The following DAB1 variants were observed in gnomAD, a reference collection of about 807,000 sequenced individuals.
The protein encoded by DAB1 is disabled homolog 1.
Under a neutral mutation model 64.6 loss-of-function variants are expected in DAB1, and 15 were observed. The ratio of observed to expected loss-of-function variants is 0.23; its 90% confidence interval spans 0.16 to 0.36. The LOEUF is 0.36. Among genes scored for constraint, DAB1 ranks in the 10% least tolerant of loss-of-function variants. The pLI is 1.00. For synonymous variants in DAB1, 235 were observed against 251.9 expected (o/e 0.93, Z 0.64); for missense variants, 596 against 706.7 (o/e 0.84, Z 1.78).
At chr1:58,238,837 A>C (rs1000901462) in intron 4 of DAB1, among the ~76,000 whole-genome samples, 1 of 152,204 alleles carries the variant, frequency 6.6e-6, no homozygotes, top group Non-Finnish European at 1.5e-5. Flanking sequence ...GCTTTCTTAT[A>C]CTTCTGCATG....
intron 3 of DAB1, among the ~76,000 whole-genome samples, chr1:58,446,019 A>G (rs2100279803): frequency 6.6e-6 from 1 of 152,286 alleles, no homozygotes; most frequent in South Asian, 2.1e-4. Context: ...TTTAGAACTG[A>G]AAGTCACCCA....
intron 6 of DAB1, among the ~76,000 whole-genome samples, chr1:57,800,677 G>A (rs573291687): frequency 2.0e-5 from 3 of 152,242 alleles, no homozygotes; most frequent in East Asian, 3.9e-4. Context: ...ACATCACATC[G>A]CATGATTACT....
At chr1:57,728,052 G>C (rs1359073098) in intron 6 of DAB1, among the ~76,000 whole-genome samples, 2 of 152,090 alleles carry the variant, frequency 1.3e-5, no homozygotes, top group Non-Finnish European at 2.9e-5. Flanking sequence ...TGTTTGTCCA[G>C]GGACTTCCTT....
intron 2 of DAB1, among the ~76,000 whole-genome samples, chr1:57,150,910 C>A (rs1027774917): frequency 1.3e-5 from 2 of 152,166 alleles, no homozygotes; most frequent in Admixed American, 6.5e-5. Flanking sequence ...AATCCCAGCA[C>A]TTTGAGAGGC....
intron 1 of DAB1, among the ~76,000 whole-genome samples, chr1:58,539,888 G>T (rs183218375): frequency 6.6e-6 from 1 of 152,242 alleles, no homozygotes; most frequent in East Asian, 1.9e-4. Flanking sequence ...AGTAAACCAA[G>T]GTTGCTAGAG....
At chr1:58,167,453 G>A (rs1405947184) in intron 4 of DAB1, among the ~76,000 whole-genome samples, 1 of 152,150 alleles carries the variant, frequency 6.6e-6, no homozygotes, top group Non-Finnish European at 1.5e-5. Flanking sequence ...TCAGCACTCT[G>A]TGTCTAGCTA....
chr1:57,194,977 C>T lies in DAB1; in HGVS notation c.68-49548G>A, dbSNP rs79703069. ...TTTTATATATGCTAACTAGTAACAG[C>T]GGAAAGTGTAATAACTTTGGGTCTT... On this transcript the variant is annotated intron_variant, in intron 2 of 14. Transcript: ENST00000371236. 8.5e-5 allele frequency among the ~76,000 whole-genome samples: 13 copies of T among 152,248 alleles called. No homozygotes were observed. In the East Asian group the frequency reaches 1.9e-3, roughly 23 times the overall value.
At chr1:58,204,301 C>G (rs1298965141) in intron 4 of DAB1, among the ~76,000 whole-genome samples, 1 of 152,104 alleles carries the variant, frequency 6.6e-6, no homozygotes, top group Non-Finnish European at 1.5e-5. Context: ...ATAATAGAAC[C>G]GAATTATTTG....
intron 4 of DAB1, among the ~76,000 whole-genome samples, chr1:57,103,529 G>A (rs1218914367): frequency 6.6e-6 from 1 of 152,172 alleles, no homozygotes; most frequent in Non-Finnish European, 1.5e-5. Flanking sequence ...CAGATCCCGG[G>A]AGTACAGTAG....
chr1:58,370,665 G>C (rs1256871986), intron 3 of DAB1, among the ~76,000 whole-genome samples: 1 of 152,110 alleles, frequency 6.6e-6, no homozygotes, highest in Non-Finnish European at 1.5e-5. Flanking sequence ...AATCCAAATT[G>C]TAATCCCCAC....
At chr1:58,169,478 C>A (rs796403583) in intron 4 of DAB1, among the ~76,000 whole-genome samples, 30 of 152,112 alleles carry the variant, frequency 2.0e-4, no homozygotes, top group African/African-American at 5.6e-4. Context: ...ATTTGACCTG[C>A]AAACTCTGAA....
At chr1:57,310,523 C>G (rs572286728) in intron 1 of DAB1, among the ~76,000 whole-genome samples, 18 of 152,182 alleles carry the variant, frequency 1.2e-4, no homozygotes, top group Non-Finnish European at 2.4e-4. Context: ...CTAAGTGGCT[C>G]GTAGTCTAGC....
chr1:57,027,704 A>G (rs1247181088), intron 9 of DAB1, among the ~76,000 whole-genome samples: 4 of 152,198 alleles, frequency 2.6e-5, no homozygotes, highest in Non-Finnish European at 5.9e-5. Context: ...ATGTTTGGTT[A>G]AGACTGGTTG....
intron 4 of DAB1, among the ~76,000 whole-genome samples, chr1:58,224,406 G>C (rs888252869): frequency 4.6e-5 from 7 of 152,144 alleles, no homozygotes; most frequent in South Asian, 2.1e-4. Flanking sequence ...GGGAATTTAG[G>C]GGGTGAAAAC....
Position 57,650,304 on chromosome 1 carries a change from G to C in DAB1, n.552-639C>G, listed in dbSNP as rs188202386. Among the ~76,000 whole-genome samples the C allele has an allele frequency of 9.7e-4, 121 of 124,356 alleles. 1 individual carries two copies. Among genetic ancestry groups the C allele is most frequent in the African/African-American group, 2.7e-3 (110 of 40,118 alleles). The allele number at this position is 124,356 out of a possible 152,430, so 81.6% of individuals were successfully genotyped here. A position where few individuals can be genotyped will look rare whatever the true frequency, so the allele number is the denominator to read the frequency against. On this transcript the variant is annotated intron_variant and non_coding_transcript_variant, in intron 6 of 20. Coordinates refer to the DAB1 transcript ENST00000485760. ...AGGCTACAGGTGTGCCACCACGCCT[G>C]GCTAATTTTTGCATTTTTTTATAGA...
At chr1:57,396,811 C>T (rs1385086189) in intron 1 of DAB1, among the ~76,000 whole-genome samples, 1 of 152,166 alleles carries the variant, frequency 6.6e-6, no homozygotes, top group Non-Finnish European at 1.5e-5. Flanking sequence ...AAGTCCAGGC[C>T]TCAGCTCCTC....
chr1:57,304,255 C>T (rs1673941653), intron 1 of DAB1, among the ~76,000 whole-genome samples: 1 of 152,076 alleles, frequency 6.6e-6, no homozygotes, highest in Non-Finnish European at 1.5e-5. Context: ...ATCCTGAGAA[C>T]TCACTCACTA....
At chr1:57,695,389 A>AAAGAAAGGAAAG (rs1646827626) in intron 6 of DAB1, among the ~76,000 whole-genome samples, 2 of 74,670 alleles carry the variant, frequency 2.7e-5, no homozygotes, top group Admixed American at 2.8e-4. Flanking sequence ...AGAAAGAAAG[A>AAAGAAAGGAAAG]AAGAAAGAAA....
intron 7 of DAB1, among the ~76,000 whole-genome samples, chr1:57,638,989 GTAAATAACTTTATAAAGTTCTTCA>G (rs1570695960): frequency 7.5e-6 from 1 of 133,296 alleles, no homozygotes; most frequent in African/African-American, 2.8e-5. Context: ...AAGAACTTTA[GTAAATAACTTTATAAAGTTCTTCA>G]TAAAGAACTT....
Sources: gnomAD v4.1 joint callset for allele counts (sites outside exome capture counted in the v4.1 genomes callset) on GRCh38, gnomAD v4.1.1 for gene constraint, MANE v1.5 for transcripts, NCBI Gene and HGNC (gene_info 2026-07-23, HGNC 2026-07-21) for gene names.